FSTL5: variants seen among roughly 807,000 people sequenced by gnomAD.
FSTL5 encodes the protein follistatin-related protein 5.
In FSTL5, 62 loss-of-function variants were observed where a neutral mutation model predicts 89.1. The observed-to-expected ratio is 0.70, with a 90% CI of 0.57 to 0.86. FSTL5 has a LOEUF of 0.86. Among genes scored for constraint, FSTL5 ranks in the 40% least tolerant of loss-of-function variants. The pLI, the probability that FSTL5 is intolerant of heterozygous loss-of-function variation, is 0.00. For missense variants in FSTL5, 1,057 were observed against 1,001.6 expected (o/e 1.06, Z -0.75); for synonymous variants, 383 against 346.2 (o/e 1.11, Z -1.18).
chr4:161,582,915 T>C (rs906663606), intron 8 of FSTL5, among the ~76,000 whole-genome samples: 28 of 152,076 alleles, frequency 1.8e-4, no homozygotes, highest in African/African-American at 6.8e-4. Context: ...CAGCCGGGTG[T>C]GGTGGCTCAT....
chr4:161,625,815 A>G (rs954670959), intron 7 of FSTL5, among the ~76,000 whole-genome samples: 7 of 152,162 alleles, frequency 4.6e-5, no homozygotes, highest in Admixed American at 2.6e-4. Flanking sequence ...AATTTCAATA[A>G]ACACACAAAA....
At chr4:161,584,869 A>C (rs1255240032) in intron 8 of FSTL5, among the ~76,000 whole-genome samples, 4 of 152,184 alleles carry the variant, frequency 2.6e-5, no homozygotes, top group Non-Finnish European at 5.9e-5. Flanking sequence ...ATGTTATGGG[A>C]CATAATGGAA....
At chr4:161,950,221 T>C (rs1012564844) in intron 3 of FSTL5, among the ~76,000 whole-genome samples, 3 of 152,156 alleles carry the variant, frequency 2.0e-5, no homozygotes, top group African/African-American at 7.2e-5. Flanking sequence ...AAAGAATTTC[T>C]TTTTGCTTTA....
intron 3 of FSTL5, among the ~76,000 whole-genome samples, chr4:162,006,305 A>G (rs1736614571): frequency 6.6e-6 from 1 of 151,996 alleles, no homozygotes; most frequent in Admixed American, 6.6e-5. Flanking sequence ...TTCTAAACCT[A>G]GTCACCTAGA....
chr4:161,780,333 G>A (rs928999138), intron 4 of FSTL5, among the ~76,000 whole-genome samples: 9 of 151,892 alleles, frequency 5.9e-5, no homozygotes, highest in African/African-American at 1.9e-4. Flanking sequence ...AAGGAAATAA[G>A]TTTTTGTTTG....
chr4:161,479,817 C>A (rs1215868512), intron 13 of FSTL5, among the ~76,000 whole-genome samples: 1 of 152,112 alleles, frequency 6.6e-6, no homozygotes, highest in Admixed American at 6.6e-5. Context: ...AATTTATAAA[C>A]CTGGAAGTGC....
chr4:161,784,810 C>A (rs1352332960), intron 4 of FSTL5, among the ~76,000 whole-genome samples: 1 of 150,858 alleles, frequency 6.6e-6, no homozygotes, highest in Admixed American at 6.6e-5. Context: ...AGGAGAATGG[C>A]GTGAACCCAG....
chr4:161,564,385 T>C (rs574381187), intron 8 of FSTL5, among the ~76,000 whole-genome samples: 1 of 151,196 alleles, frequency 6.6e-6, no homozygotes, highest in South Asian at 2.1e-4. Flanking sequence ...AAGTGTTTTC[T>C]TAAGGAGAAA....
intron 2 of FSTL5, among the ~76,000 whole-genome samples, chr4:162,074,544 G>T (rs1039793839): frequency 4.0e-5 from 6 of 151,602 alleles, no homozygotes; most frequent in African/African-American, 1.5e-4. Flanking sequence ...TAATATAACA[G>T]ACTTAATTGT....
chr4:161,519,033 G>T (rs1395056699), intron 10 of FSTL5, among the ~76,000 whole-genome samples: 2 of 152,296 alleles, frequency 1.3e-5, no homozygotes, highest in African/African-American at 4.8e-5. Flanking sequence ...CTCACATTGT[G>T]TCAATGGGTT....
At chr4:161,522,663 T>C (rs1013984608) in intron 10 of FSTL5, among the ~76,000 whole-genome samples, 1 of 151,580 alleles carries the variant, frequency 6.6e-6, no homozygotes, top group Non-Finnish European at 1.5e-5. Context: ...TATAAAATTA[T>C]AGATATTATG....
At chr4:161,870,649 CACTT>C (rs947286740) in intron 4 of FSTL5, among the ~76,000 whole-genome samples, 1 of 152,132 alleles carries the variant, frequency 6.6e-6, no homozygotes, top group African/African-American at 2.4e-5. Flanking sequence ...GAGTAAATAT[CACTT>C]ACCTTTTCAG....
At chr4:162,040,918 A>G (rs1737927456) in intron 2 of FSTL5, among the ~76,000 whole-genome samples, 1 of 152,064 alleles carries the variant, frequency 6.6e-6, no homozygotes, top group South Asian at 2.1e-4. Flanking sequence ...CATGAAGAAA[A>G]CTATTCTGCA....
intron 13 of FSTL5, among the ~76,000 whole-genome samples, chr4:161,468,997 A>C (rs993921162): frequency 6.6e-6 from 1 of 152,180 alleles, no homozygotes; most frequent in East Asian, 1.9e-4. Context: ...AATTCTGTGT[A>C]ATCATCATCC....
At chr4:161,887,161 C>G (rs920749601) in intron 4 of FSTL5, among the ~76,000 whole-genome samples, 1 of 152,040 alleles carries the variant, frequency 6.6e-6, no homozygotes, top group Non-Finnish European at 1.5e-5. Flanking sequence ...TACATGTTTT[C>G]AAGGGTATCA....
At chr4:161,601,611 C>G (rs1734240384) in intron 7 of FSTL5, among the ~76,000 whole-genome samples, 1 of 152,066 alleles carries the variant, frequency 6.6e-6, no homozygotes, top group South Asian at 2.1e-4. Flanking sequence ...CAACAGCAAA[C>G]TACCCTTGGT....
At chr4:161,616,872 A>T (rs996393683) in intron 7 of FSTL5, among the ~76,000 whole-genome samples, 3 of 151,236 alleles carry the variant, frequency 2.0e-5, no homozygotes, top group Non-Finnish European at 4.4e-5. Flanking sequence ...TAAATAAAAT[A>T]AAAAAACAAA....
At chr4:162,146,825 T>G (rs1276403675) in intron 1 of FSTL5, among the ~76,000 whole-genome samples, 1 of 151,424 alleles carries the variant, frequency 6.6e-6, no homozygotes, top group African/African-American at 2.4e-5. Flanking sequence ...CTTGCTCTGT[T>G]GCCCGGGAGT....
At chr4:162,102,216 A>G (rs1489025189) in intron 2 of FSTL5, among the ~76,000 whole-genome samples, 2 of 152,106 alleles carry the variant, frequency 1.3e-5, no homozygotes, top group Non-Finnish European at 2.9e-5. Context: ...AAAAATAAAC[A>G]GTAGCCTGCT....
Sources: gnomAD v4.1 joint callset for allele counts (sites outside exome capture counted in the v4.1 genomes callset) on GRCh38, gnomAD v4.1.1 for gene constraint, MANE v1.5 for transcripts, NCBI Gene and HGNC (gene_info 2026-07-23, HGNC 2026-07-21) for gene names.